The following TSPAN9 variants were observed in gnomAD, a reference collection of about 807,000 sequenced individuals.
TSPAN9 encodes tetraspanin 9, also known as tetraspanin-9.
TSPAN9 carries 16 observed loss-of-function variants against 31.0 expected under a neutral mutation model. The observed-to-expected ratio is 0.52, with a 90% confidence interval of 0.35 to 0.78. The LOEUF is 0.78. Ranked by LOEUF, TSPAN9 falls within the 30% of genes least tolerant of loss-of-function variation. TSPAN9 has a pLI of 0.01. For synonymous variants in TSPAN9, 145 were observed against 121.6 expected, an observed-to-expected ratio of 1.19 and a Z score of -1.27; for missense variants, 272 against 312.5, an observed-to-expected ratio of 0.87 and a Z score of 0.98.
At chr12:3,180,798 T>C (rs1163212882) in intron 2 of TSPAN9, among the ~76,000 whole-genome samples, 1 of 152,202 alleles carries the variant, frequency 6.6e-6, no homozygotes, top group African/African-American at 2.4e-5. Context: ...ATAAATTTGA[T>C]CTTGAGACAG....
chr12:3,145,981 C>T (rs1272933205), intron 2 of TSPAN9, among the ~76,000 whole-genome samples: 3 of 152,188 alleles, frequency 2.0e-5, no homozygotes, highest in Admixed American at 6.5e-5. Context: ...GAGCGAGCCA[C>T]GGGGCACGCG....
chr12:3,160,592 A>G (rs1442821015), intron 2 of TSPAN9, among the ~76,000 whole-genome samples: 15 of 152,284 alleles, frequency 9.9e-5, no homozygotes, highest in Middle Eastern at 3.4e-3. Context: ...CTCTTTTCCA[A>G]TTTCTCCACA....
rs974936444 is a variant in TSPAN9, at chr12:3,280,040, G to A, written c.331-342G>A. On this transcript the variant is annotated intron_variant, in intron 5 of 8. Coordinates refer to ENST00000011898, the MANE Select transcript of TSPAN9 (RefSeq NM_006675.5). The surrounding 1 kb of genome is among the most constrained non-coding windows in gnomAD (Gnocchi z 4.5). The stretch of plus-strand genomic sequence containing the variant: ...AGTGGGGGGCGGGGGTGGCAGAGTG[G>A]CCTGTGTGTGTGGCTGGTCCTGGGA... 1.3e-5 allele frequency among the ~76,000 whole-genome samples: 2 copies of A among 152,014 alleles called. No individual in the cohort carries two copies. Among genetic ancestry groups the A allele is most frequent in the African/African-American group, 4.8e-5 (2 of 41,396 alleles).
intron 2 of TSPAN9, among the ~76,000 whole-genome samples, chr12:3,108,150 C>T (rs1488166908): frequency 2.0e-5 from 3 of 152,216 alleles, no homozygotes; most frequent in Non-Finnish European, 1.5e-5. Flanking sequence ...CACAGTCTCT[C>T]CTCCAGAGTC....
intron 2 of TSPAN9, among the ~76,000 whole-genome samples, chr12:3,100,018 T>C (rs1307120220): frequency 6.6e-6 from 1 of 152,220 alleles, no homozygotes; most frequent in East Asian, 1.9e-4. Flanking sequence ...ATTTTTTGTA[T>C]TTTTAGTAGA....
Position 3,280,566 on chromosome 12 carries a change from G to A in TSPAN9, c.432+83G>A. The A allele has an allele frequency of 7.7e-7, 1 of 1,304,662 alleles. No individual in the cohort carries two copies. Among genetic ancestry groups the A allele is most frequent in the South Asian group, 1.3e-5 (1 of 79,696 alleles). 80.8% of individuals were successfully genotyped at this position (1,304,662 alleles called of 1,614,324 possible). On this transcript the variant is annotated intron_variant, in intron 6 of 8. Coordinates refer to ENST00000011898, the MANE Select transcript of TSPAN9 (RefSeq NM_006675.5). This position sits in a 1 kb window ranked among gnomAD's most constrained non-coding sequence, Gnocchi z 4.5. ...TTCTAGCTGCCTTCCCCGGTGACCT[G>A]GCCGGGCACCTGTGCTTTCTGGATT...
intron 2 of TSPAN9, among the ~76,000 whole-genome samples, chr12:3,118,657 G>A (rs2098323721): frequency 6.6e-6 from 1 of 151,858 alleles, no homozygotes; most frequent in Non-Finnish European, 1.5e-5. Context: ...CAGCCCCACT[G>A]CACCTGCAGC....
chr12:3,271,173 C>A (rs138296378), intron 3 of TSPAN9, among the ~76,000 whole-genome samples: 3 of 152,288 alleles, frequency 2.0e-5, no homozygotes, highest in East Asian at 1.9e-4. Flanking sequence ...AGATTAGGGG[C>A]TGCAAAGTGA....
chr12:3,164,303 G>GA (rs2098347150), intron 2 of TSPAN9, among the ~76,000 whole-genome samples: 1 of 152,254 alleles, frequency 6.6e-6, no homozygotes, highest in African/African-American at 2.4e-5. Context: ...CAGCAGAAAT[G>GA]AAAGAGGAGT....
intron 3 of TSPAN9, among the ~76,000 whole-genome samples, chr12:3,262,402 A>G (rs1010132464): frequency 6.6e-6 from 1 of 151,984 alleles, no homozygotes; most frequent in Admixed American, 6.5e-5. Context: ...AATAAGCAAA[A>G]GCAAGAGCAA....
chr12:3,241,862 G>A (rs1422088919), intron 3 of TSPAN9, among the ~76,000 whole-genome samples: 1 of 152,002 alleles, frequency 6.6e-6, no homozygotes, highest in African/African-American at 2.4e-5. Flanking sequence ...CCGAAGATCA[G>A]TGGAGGGCAA....
chr12:3,242,508 C>G (rs1167948110), intron 3 of TSPAN9, among the ~76,000 whole-genome samples: 1 of 152,258 alleles, frequency 6.6e-6, no homozygotes, highest in African/African-American at 2.4e-5. Flanking sequence ...TGAACAGAGC[C>G]CAGAGTAGAA....
chr12:3,082,178 T>A (rs1047151714), intron 1 of TSPAN9, among the ~76,000 whole-genome samples: 1 of 152,194 alleles, frequency 6.6e-6, no homozygotes, highest in African/African-American at 2.4e-5. Flanking sequence ...AACAGTTCAG[T>A]CACCTTGATT....
intron 3 of TSPAN9, among the ~76,000 whole-genome samples, chr12:3,272,726 C>G (rs1233602883): frequency 6.6e-6 from 1 of 152,134 alleles, no homozygotes. Context: ...AGTGGCTGCC[C>G]CTAGGATCTA....
At chr12:3,166,004 A>G (rs2098348223) in intron 2 of TSPAN9, among the ~76,000 whole-genome samples, 1 of 152,070 alleles carries the variant, frequency 6.6e-6, no homozygotes, top group Non-Finnish European at 1.5e-5. Flanking sequence ...CCATGGAGGG[A>G]AGTGGCCGAG....
chr12:3,251,702 G>T (rs1195085632), intron 3 of TSPAN9, among the ~76,000 whole-genome samples: 3 of 152,228 alleles, frequency 2.0e-5, no homozygotes, highest in Admixed American at 2.0e-4. Flanking sequence ...GTGGGTTCCA[G>T]CACCTCTGGC....
At chr12:3,146,649 C>G (rs904292755) in intron 2 of TSPAN9, among the ~76,000 whole-genome samples, 4 of 152,196 alleles carry the variant, frequency 2.6e-5, no homozygotes, top group African/African-American at 7.2e-5. Flanking sequence ...CTGCTGCCTC[C>G]ACTCTCCTCC....
At chr12:3,212,994 A>C (rs955722048) in intron 3 of TSPAN9, among the ~76,000 whole-genome samples, 1 of 152,140 alleles carries the variant, frequency 6.6e-6, no homozygotes, top group African/African-American at 2.4e-5. Flanking sequence ...AGGAGAAGGC[A>C]GGAAAAACAT....
chr12:3,219,421 C>T (rs1416022331), intron 3 of TSPAN9, among the ~76,000 whole-genome samples: 4 of 152,130 alleles, frequency 2.6e-5, no homozygotes, highest in African/African-American at 4.8e-5. Flanking sequence ...TTTGCTCAGC[C>T]GCAGTACCGA....
Sources: gnomAD v4.1 joint callset for allele counts (sites outside exome capture counted in the v4.1 genomes callset) on GRCh38, gnomAD v4.1.1 for gene constraint, Gnocchi (gnomAD v3.1) non-coding constraint, MANE v1.5 for transcripts, NCBI Gene and HGNC (gene_info 2026-07-23, HGNC 2026-07-21) for gene names.